Variants in PLAC1 observed in about 807,000 individuals in gnomAD.
PLAC1 encodes the protein placenta associated 1, also known as placenta-specific protein 1.
For synonymous variants in PLAC1, 68 were observed against 62.1 expected, an observed-to-expected ratio of 1.09 and a Z score of -0.44; for missense variants, 136 against 163.2, an observed-to-expected ratio of 0.83 and a Z score of 0.91.
At chrX:134,599,129 G>A (rs1304904492) in intron 2 of PLAC1, among the ~76,000 whole-genome samples, 1 of 111,445 alleles carries the variant, frequency 9.0e-6, no homozygotes, top group Admixed American at 9.5e-5. Context: ...CATAGTATCT[G>A]GTATTTGGAA....
At chrX:134,719,857 G>T (rs1447224494) in intron 2 of PLAC1, among the ~76,000 whole-genome samples, 2 of 111,345 alleles carry the variant, frequency 1.8e-5, no homozygotes, top group Non-Finnish European at 3.8e-5. Context: ...TTTTAATCTG[G>T]TAAAGAACAT....
intron 2 of PLAC1, among the ~76,000 whole-genome samples, chrX:134,599,065 T>C: frequency 8.9e-6 from 1 of 111,869 alleles, no homozygotes; most frequent in South Asian, 3.8e-4. Flanking sequence ...TTTCCTCATG[T>C]ATAAAATGAG....
chrX:134,745,697 G>A (rs1278483270), intron 1 of PLAC1, among the ~76,000 whole-genome samples: 1 of 111,795 alleles, frequency 8.9e-6, no homozygotes, highest in Admixed American at 9.5e-5. Flanking sequence ...TTTCTAAAAT[G>A]GGCTTTCCCT....
chrX:134,619,429 G>T (rs1443535719), intron 1 of PLAC1, among the ~76,000 whole-genome samples: 1 of 111,046 alleles, frequency 9.0e-6, no homozygotes, highest in African/African-American at 3.3e-5. Flanking sequence ...GAGGTGAGCA[G>T]ATCACGAGGT....
chrX:134,732,265 A>G (rs776171627), intron 2 of PLAC1, among the ~76,000 whole-genome samples: 20 of 111,503 alleles, frequency 1.8e-4, no homozygotes, highest in African/African-American at 6.2e-4. Context: ...AGTCATATCA[A>G]TTTGAGCTAA....
chrX:134,565,838 T>C lies in PLAC1; in HGVS notation c.*206A>G. On this transcript the variant is annotated 3_prime_UTR_variant, in exon 3 of 3. Transcript: ENST00000359237. The stretch of plus-strand genomic sequence containing the variant: ...CTATTAAATAAAAATGCCCAACATA[T>C]TTTTATGCGATCAGAATTTTATTTT... The C allele has an allele frequency of 2.6e-6, 1 of 386,428 alleles. No individual in the cohort carries two copies. The allele number at this position is 386,428 out of a possible 1,213,427, so 31.8% of individuals were successfully genotyped here. A position where few individuals can be genotyped will look rare whatever the true frequency, so the allele number is the denominator to read the frequency against.
At position 134,617,174 on chromosome X, in the gene PLAC1, A is replaced by C. The variant is rs756717496; in HGVS notation, c.-130-15052T>G. On this transcript the variant is annotated intron_variant, in intron 1 of 2. Coordinates refer to ENST00000359237, the MANE Select transcript of PLAC1 (RefSeq NM_021796.4). ...CAGCTTATTTTTGTATTTTTAGTACAGGCAGGGTTTCGTCATGTTGGCCAG... is the reference window on the plus strand; with the variant it reads ...CAGCTTATTTTTGTATTTTTAGTACCGGCAGGGTTTCGTCATGTTGGCCAG... Among the ~76,000 whole-genome samples the C allele has an allele frequency of 1.9e-4, 21 of 110,834 alleles. No individual in the cohort carries two copies. The East Asian group carries it at 5.4e-3, about 28-fold the overall frequency.
At chrX:134,652,184 A>G (rs2078367046) in intron 1 of PLAC1, among the ~76,000 whole-genome samples, 1 of 111,896 alleles carries the variant, frequency 8.9e-6, no homozygotes, top group Non-Finnish European at 1.9e-5. Flanking sequence ...AGACTCGGAA[A>G]AGAGCTTAGG....
intron 2 of PLAC1, among the ~76,000 whole-genome samples, chrX:134,716,932 TA>T (rs1274424171): frequency 2.7e-5 from 3 of 111,873 alleles, no homozygotes; most frequent in African/African-American, 9.8e-5. Context: ...TTGTGGGAAT[TA>T]AAAGAGATAA....
At chrX:134,584,868 C>G (rs1367545917) in intron 2 of PLAC1, among the ~76,000 whole-genome samples, 2 of 110,778 alleles carry the variant, frequency 1.8e-5, no homozygotes, top group African/African-American at 3.3e-5. Context: ...ATCTCTTGCT[C>G]CCTGTGAGCT....
intron 2 of PLAC1, among the ~76,000 whole-genome samples, chrX:134,590,737 C>T (rs779654563): frequency 1.8e-5 from 2 of 111,011 alleles, no homozygotes; most frequent in Admixed American, 1.9e-4. Context: ...TCCTGGGTAG[C>T]TGGGACTACA....
At chrX:134,667,828 G>T (rs2078442426) in intron 2 of PLAC1, among the ~76,000 whole-genome samples, 1 of 109,748 alleles carries the variant, frequency 9.1e-6, no homozygotes, top group Admixed American at 9.7e-5. Flanking sequence ...TCAGGAGGCT[G>T]AAGCAGAAGG....
intron 1 of PLAC1, among the ~76,000 whole-genome samples, chrX:134,739,861 A>G (rs2078712444): frequency 8.9e-6 from 1 of 112,632 alleles, no homozygotes; most frequent in East Asian, 2.8e-4. Flanking sequence ...CTGAACATAC[A>G]CATATCCTAG....
At chrX:134,624,915 TA>T (rs2078228195) in intron 1 of PLAC1, among the ~76,000 whole-genome samples, 1 of 100,494 alleles carries the variant, frequency 1.0e-5, no homozygotes, top group Admixed American at 1.1e-4. Flanking sequence ...AAATGATAGA[TA>T]GATAGATAGA....
At chrX:134,618,599 A>G (rs1164327668) in intron 1 of PLAC1, among the ~76,000 whole-genome samples, 1 of 111,246 alleles carries the variant, frequency 9.0e-6, no homozygotes, top group African/African-American at 3.3e-5. Flanking sequence ...TTATTTTAGT[A>G]GAGACGTGTT....
At chrX:134,722,811 T>G (rs781103064) in intron 2 of PLAC1, among the ~76,000 whole-genome samples, 1 of 111,581 alleles carries the variant, frequency 9.0e-6, no homozygotes, top group East Asian at 2.8e-4. Context: ...TTCTTCTTAC[T>G]TATGTAAACA....
rs139012809 is a variant in PLAC1 at position 134,750,453 on chromosome X, A to T, written n.89+13781T>A. On this transcript the variant is annotated intron_variant and non_coding_transcript_variant, in intron 1 of 2. Coordinates refer to the PLAC1 transcript ENST00000466797. The stretch of plus-strand genomic sequence containing the variant: ...GCTTGACAATTCGGTTGCTGAAAAC[A>T]TTTACGCTATGGGTCTGAACTCCCC... Among the ~76,000 whole-genome samples the T allele has an allele frequency of 7.9e-3, 872 of 109,908 alleles. 15 individuals carry two copies. The highest frequency in any genetic ancestry group is 0.027 in the African/African-American group (807 of 30,108).
At chrX:134,613,771 C>G (rs1466187914) in intron 1 of PLAC1, among the ~76,000 whole-genome samples, 1 of 110,358 alleles carries the variant, frequency 9.1e-6, no homozygotes, top group Non-Finnish European at 1.9e-5. Flanking sequence ...TCGTCCTAGC[C>G]CAGACTCTGA....
At chrX:134,720,957 T>A (rs1306720524) in intron 2 of PLAC1, among the ~76,000 whole-genome samples, 1 of 112,976 alleles carries the variant, frequency 8.9e-6, no homozygotes, top group Non-Finnish European at 1.9e-5. Context: ...TGTGCCTTCC[T>A]AGCATGAAGC....
Sources: gnomAD v4.1 joint callset for allele counts (sites outside exome capture counted in the v4.1 genomes callset) on GRCh38, gnomAD v4.1.1 for gene constraint, MANE v1.5 for transcripts, NCBI Gene and HGNC (gene_info 2026-07-23, HGNC 2026-07-21) for gene names.